CCSER1: variants seen among roughly 807,000 people sequenced by gnomAD.
The protein encoded by CCSER1 is serine-rich coiled-coil domain-containing protein 1.
CCSER1 carries 41 observed loss-of-function variants against 82.0 expected under a neutral mutation model. The ratio of observed to expected loss-of-function variants is 0.50; its 90% CI spans 0.39 to 0.65. The LOEUF is 0.65. CCSER1 is among the 30% of genes least tolerant of loss of function. CCSER1 has a pLI of 0.00. For missense variants in CCSER1, 1,119 were observed against 1,064.2 expected (o/e 1.05, Z -0.72); for synonymous variants, 414 against 383.9 (o/e 1.08, Z -0.92).
chr4:90,392,548 A>G (rs1415931782), intron 3 of CCSER1, among the ~76,000 whole-genome samples: 1 of 152,118 alleles, frequency 6.6e-6, no homozygotes, highest in Non-Finnish European at 1.5e-5. Flanking sequence ...ATTTAAATAC[A>G]AAAACACACA....
At chr4:91,555,987 G>A (rs1317374732) in intron 10 of CCSER1, among the ~76,000 whole-genome samples, 1 of 151,274 alleles carries the variant, frequency 6.6e-6, no homozygotes, top group Non-Finnish European at 1.5e-5. Flanking sequence ...CATTGTAGAT[G>A]CAAAAATAGA....
Position 91,598,624 on chromosome 4 carries a change from A to G in CCSER1, c.2270A>G (p.Lys757Arg), listed in dbSNP as rs758195665. The change falls in exon 11 of 11, where the codon AAA (lysine) becomes AGA (arginine). Residue 757 changes from lysine (K) to arginine (R), a missense_variant. By Grantham distance (26) the Lys-to-Arg change is conservative (BLOSUM62 2). Transcript: ENST00000509176. The stretch of plus-strand genomic sequence containing the variant: ...CAAAATCTCAGCACAAGGGACAGAA[A>G]AGCAATACATACTCCCACCGAGGAC... The part of the protein sequence containing the change: ...VSQNLSTRDR[K>R]AIHTPTEDRF... 36 of 1,551,308 alleles carry G rather than the reference A, an allele frequency of 2.3e-5. No individual in the cohort carries two copies. In the East Asian group the frequency reaches 7.8e-4, roughly 34 times the overall value.
chr4:91,179,113 A>G (rs953155549), intron 10 of CCSER1, among the ~76,000 whole-genome samples: 1 of 152,178 alleles, frequency 6.6e-6, no homozygotes, highest in Non-Finnish European at 1.5e-5. Context: ...TTCTTTATGA[A>G]TGGTGAATAT....
At chr4:91,090,804 A>G (rs999597588) in intron 10 of CCSER1, among the ~76,000 whole-genome samples, 2 of 152,238 alleles carry the variant, frequency 1.3e-5, no homozygotes, top group East Asian at 3.8e-4. Flanking sequence ...AGTCTGAAAT[A>G]CTGGCTCTGG....
chr4:90,591,548 G>A (rs1253702649), intron 5 of CCSER1, among the ~76,000 whole-genome samples: 1 of 152,162 alleles, frequency 6.6e-6, no homozygotes, highest in East Asian at 1.9e-4. Flanking sequence ...ATGCTGGCGA[G>A]GCTGTGGAGA....
chr4:91,267,146 A>G (rs1226862417), intron 10 of CCSER1, among the ~76,000 whole-genome samples: 3 of 151,688 alleles, frequency 2.0e-5, no homozygotes, highest in Non-Finnish European at 4.4e-5. Context: ...AAAAGTAGGT[A>G]AAGGCAGGCT....
rs183198817 is a variant in CCSER1 at position 90,293,056 on chromosome 4, T to C, written c.-41-15188T>C. 2.0e-4 allele frequency among the ~76,000 whole-genome samples: 31 copies of C among 152,012 alleles called. No homozygotes were observed. In the South Asian group the frequency reaches 4.4e-3, roughly 21 times the overall value. ...TTACTATTAGCTGCTGTATGGAGTATGTTTAATACAATAAAAAATAAAGTG... is the reference window on the plus strand; with the variant it reads ...TTACTATTAGCTGCTGTATGGAGTACGTTTAATACAATAAAAAATAAAGTG... On this transcript the variant is annotated intron_variant, in intron 1 of 10. Transcript: ENST00000509176.
At chr4:91,258,520 A>G (rs1174641660) in intron 10 of CCSER1, among the ~76,000 whole-genome samples, 1 of 152,090 alleles carries the variant, frequency 6.6e-6, no homozygotes, top group Non-Finnish European at 1.5e-5. Flanking sequence ...CTGCATTAGT[A>G]AAGCACTTTA....
chr4:91,106,310 G>A (rs1036055382), intron 10 of CCSER1, among the ~76,000 whole-genome samples: 5 of 152,074 alleles, frequency 3.3e-5, no homozygotes, highest in South Asian at 2.1e-4. Flanking sequence ...TAACTTTCCC[G>A]AAGTCATAGT....
chr4:90,785,430 G>T (rs544845680), intron 7 of CCSER1, among the ~76,000 whole-genome samples: 3 of 152,228 alleles, frequency 2.0e-5, no homozygotes, highest in African/African-American at 7.2e-5. Flanking sequence ...GCTAGATGTT[G>T]TGCAGCTGGA....
intron 5 of CCSER1, among the ~76,000 whole-genome samples, chr4:90,551,860 CT>C (rs910699085): frequency 6.6e-6 from 1 of 151,864 alleles, no homozygotes; most frequent in African/African-American, 2.4e-5. Flanking sequence ...GACTGGGTAA[CT>C]TTTAAAGAGC....
intron 10 of CCSER1, among the ~76,000 whole-genome samples, chr4:91,529,761 G>A (rs1346090998): frequency 1.3e-5 from 2 of 152,018 alleles, no homozygotes; most frequent in Admixed American, 1.3e-4. Flanking sequence ...ACCATCTAAG[G>A]AAAGTTAATA....
At chr4:91,229,966 C>T (rs1222446657) in intron 10 of CCSER1, among the ~76,000 whole-genome samples, 1 of 152,044 alleles carries the variant, frequency 6.6e-6, no homozygotes, top group Non-Finnish European at 1.5e-5. Flanking sequence ...CAAATTTGCC[C>T]ATTCTGCACA....
intron 8 of CCSER1, among the ~76,000 whole-genome samples, chr4:90,882,647 T>C (rs2150078740): frequency 6.6e-6 from 1 of 152,154 alleles, no homozygotes; most frequent in Middle Eastern, 3.4e-3. Flanking sequence ...TATCTAATCA[T>C]TAAAGAATAA....
At chr4:90,844,201 A>AAT (rs370614612) in intron 8 of CCSER1, among the ~76,000 whole-genome samples, 1,863 of 150,414 alleles carry the variant, frequency 0.012, 26 homozygotes, top group South Asian at 0.037. Flanking sequence ...ATAGATTGAG[A>AAT]ATATATATAT....
chr4:90,875,676 T>G (rs1767107223), intron 8 of CCSER1, among the ~76,000 whole-genome samples: 1 of 152,160 alleles, frequency 6.6e-6, no homozygotes, highest in Non-Finnish European at 1.5e-5. Flanking sequence ...ATCATAAACT[T>G]ATAGCTTAAA....
chr4:90,642,782 G>T (rs941704602), intron 6 of CCSER1, among the ~76,000 whole-genome samples: 1 of 152,100 alleles, frequency 6.6e-6, no homozygotes, highest in African/African-American at 2.4e-5. Flanking sequence ...TTGAGCCCAG[G>T]AGTTTGAGGC....
At chr4:90,193,444 G>T (rs1736019237) in intron 1 of CCSER1, among the ~76,000 whole-genome samples, 1 of 152,072 alleles carries the variant, frequency 6.6e-6, no homozygotes, top group African/African-American at 2.4e-5. Context: ...ATACAAAAGA[G>T]TTAGGGTATC....
In CCSER1 at chr4:90,286,325, T is replaced by A. The variant is rs144382924; in HGVS notation, c.-41-21919T>A. 1.5e-3 allele frequency among the ~76,000 whole-genome samples: 229 copies of A among 152,174 alleles called. 1 individual carries two copies. The highest frequency in any genetic ancestry group is 2.9e-3 in the Non-Finnish European group (200 of 67,946). ...TTCTCTTTCACTACCTGTTATTGTA[T>A]ACATTTTAGAAATATTTTGCAATTT... is the stretch of plus-strand genomic sequence containing the variant. On this transcript the variant is annotated intron_variant, in intron 1 of 10. Transcript: ENST00000509176.
Sources: gnomAD v4.1 joint callset for allele counts (sites outside exome capture counted in the v4.1 genomes callset) on GRCh38, gnomAD v4.1.1 for gene constraint, MANE v1.5 for transcripts, NCBI Gene and HGNC (gene_info 2026-07-23, HGNC 2026-07-21) for gene names.